ST6GALNAC3: variants seen among roughly 807,000 people sequenced by gnomAD.
ST6GALNAC3 encodes ST6 N-acetylgalactosaminide alpha-2,6-sialyltransferase 3, also known as alpha-N-acetylgalactosaminide alpha-2,6-sialyltransferase 3.
A neutral mutation model predicts 32.7 loss-of-function variants in ST6GALNAC3; 25 were observed. The observed-to-expected ratio is 0.76, with a 90% CI of 0.56 to 1.07. ST6GALNAC3 has a LOEUF of 1.07. Among genes scored for constraint, ST6GALNAC3 ranks in the 50% least tolerant of loss-of-function variants. ST6GALNAC3 has a pLI of 0.00. For synonymous variants in ST6GALNAC3, 129 were observed against 133.1 expected, an observed-to-expected ratio of 0.97 and a Z score of 0.21; for missense variants, 355 against 382.4, an observed-to-expected ratio of 0.93 and a Z score of 0.60.
At chr1:76,299,118 C>A (rs1660580438) in intron 1 of ST6GALNAC3, among the ~76,000 whole-genome samples, 1 of 152,026 alleles carries the variant, frequency 6.6e-6, no homozygotes, top group Non-Finnish European at 1.5e-5. Context: ...AATTACCTAG[C>A]AAATTCAGCA....
At chr1:76,576,671 T>C (rs1646813648) in intron 3 of ST6GALNAC3, among the ~76,000 whole-genome samples, 2 of 152,058 alleles carry the variant, frequency 1.3e-5, no homozygotes, top group South Asian at 4.1e-4. Context: ...TATAATAATT[T>C]TGGAAAGTAC....
In ST6GALNAC3 at chr1:76,630,630, T is replaced by G; in HGVS notation, c.*1824T>G. 5 of 985,622 alleles carry G rather than the reference T, an allele frequency of 5.1e-6. No homozygotes were observed. The highest frequency in any genetic ancestry group is 6.0e-6 in the Non-Finnish European group (5 of 829,812). The allele number at this position is 985,622 out of a possible 1,614,324, so 61.1% of individuals were successfully genotyped here. The stretch of plus-strand genomic sequence containing the variant: ...CTTGTAGGTCTTTACTAGTGCTAAG[T>G]ATTATGGTGAGCTATCATTAAAGTG... On this transcript the variant is annotated 3_prime_UTR_variant, in exon 5 of 5. Coordinates refer to ENST00000328299, the MANE Select transcript of ST6GALNAC3 (RefSeq NM_152996.4).
chr1:76,293,882 T>C (rs1480635062), intron 1 of ST6GALNAC3, among the ~76,000 whole-genome samples: 2 of 151,918 alleles, frequency 1.3e-5, no homozygotes, highest in East Asian at 1.9e-4. Flanking sequence ...GAGGGAGGGG[T>C]ATACACATAT....
chr1:76,108,971 C>A (rs2100796765), intron 1 of ST6GALNAC3, among the ~76,000 whole-genome samples: 1 of 152,068 alleles, frequency 6.6e-6, no homozygotes, highest in South Asian at 2.1e-4. Context: ...TAGTTCACAG[C>A]AGTATGACAG....
intron 3 of ST6GALNAC3, among the ~76,000 whole-genome samples, chr1:76,608,192 A>G (rs1259279631): frequency 6.6e-6 from 1 of 152,236 alleles, no homozygotes; most frequent in Non-Finnish European, 1.5e-5. Context: ...GTGAATGTAA[A>G]CAACAGTCAC....
chr1:76,436,646 T>A (rs1326606194), intron 3 of ST6GALNAC3, among the ~76,000 whole-genome samples: 1 of 152,168 alleles, frequency 6.6e-6, no homozygotes, highest in Non-Finnish European at 1.5e-5. Context: ...TTGTACCAGG[T>A]ACCGTGCCAA....
intron 3 of ST6GALNAC3, 51 bp from the exon 4 acceptor site, chr1:76,627,401 T>A: frequency 8.6e-7 from 1 of 1,161,300 alleles, no homozygotes; most frequent in Non-Finnish European, 1.3e-6. Context: ...GTTCTGTGTG[T>A]GTGTTCTGTG....
At chr1:76,235,876 T>C (rs1656626176) in intron 1 of ST6GALNAC3, among the ~76,000 whole-genome samples, 2 of 151,512 alleles carry the variant, frequency 1.3e-5, no homozygotes. Context: ...TGTTCTCCCC[T>C]GTGTATGCCT....
chr1:76,409,969 C>G (rs1654106784), intron 2 of ST6GALNAC3, among the ~76,000 whole-genome samples: 1 of 152,264 alleles, frequency 6.6e-6, no homozygotes, highest in East Asian at 1.9e-4. Context: ...CGGCTTCTCT[C>G]CATCTCCTTT....
intron 2 of ST6GALNAC3, among the ~76,000 whole-genome samples, chr1:76,364,842 A>G (rs543484238): frequency 2.0e-5 from 3 of 152,294 alleles, no homozygotes; most frequent in African/African-American, 7.2e-5. Flanking sequence ...ATGTTGGAAG[A>G]TGTAGATAAA....
intron 1 of ST6GALNAC3, among the ~76,000 whole-genome samples, chr1:76,164,969 A>G (rs1652031743): frequency 6.6e-6 from 1 of 152,194 alleles, no homozygotes; most frequent in African/African-American, 2.4e-5. Flanking sequence ...TTTTAAGTTC[A>G]GGGGTACATG....
At chr1:76,428,057 A>G (rs536630960) in intron 3 of ST6GALNAC3, among the ~76,000 whole-genome samples, 2 of 152,090 alleles carry the variant, frequency 1.3e-5, no homozygotes, top group Non-Finnish European at 2.9e-5. Context: ...TAGTATTATT[A>G]TTGTTATTAT....
At chr1:76,330,147 G>T (rs541352656) in intron 2 of ST6GALNAC3, among the ~76,000 whole-genome samples, 1 of 151,036 alleles carries the variant, frequency 6.6e-6, no homozygotes, top group African/African-American at 2.4e-5. Context: ...AAACACAGGA[G>T]GGTTAAGTAA....
intron 2 of ST6GALNAC3, among the ~76,000 whole-genome samples, chr1:76,392,584 T>C (rs1652650856): frequency 6.6e-6 from 1 of 152,206 alleles, no homozygotes; most frequent in Admixed American, 6.5e-5. Flanking sequence ...TACAAATAAT[T>C]TGATAGACAG....
At chr1:76,475,459 C>A (rs1659290427) in intron 3 of ST6GALNAC3, among the ~76,000 whole-genome samples, 2 of 152,130 alleles carry the variant, frequency 1.3e-5, no homozygotes, top group African/African-American at 4.8e-5. Context: ...TAAGTGGTAA[C>A]TATAGTCATT....
Position 76,094,763 on chromosome 1 carries a change from A to C in ST6GALNAC3, c.18+19879A>C, listed in dbSNP as rs574135759. 3.6e-4 allele frequency among the ~76,000 whole-genome samples: 55 copies of C among 152,288 alleles called. 1 individual carries two copies. The highest frequency in any genetic ancestry group is 1.3e-3 in the African/African-American group (55 of 41,572). On this transcript the variant is annotated intron_variant, in intron 1 of 4. Transcript: ENST00000328299. ...TTGCCACCACAGAAACTATGAAGAC[A>C]TGTTCTTTAAAAATGACTTCTCCTC...
intron 3 of ST6GALNAC3, among the ~76,000 whole-genome samples, chr1:76,466,901 T>C (rs1029839320): frequency 4.6e-5 from 7 of 152,220 alleles, no homozygotes; most frequent in Non-Finnish European, 1.0e-4. Context: ...GATTTAGCTG[T>C]TAAATGATAT....
chr1:76,315,988 A>T (rs999148864), intron 2 of ST6GALNAC3, among the ~76,000 whole-genome samples: 2 of 152,092 alleles, frequency 1.3e-5, no homozygotes, highest in Non-Finnish European at 2.9e-5. Context: ...GGGAATAAAC[A>T]CATGTAGGGG....
At chr1:76,619,436 A>G (rs868489343) in intron 3 of ST6GALNAC3, among the ~76,000 whole-genome samples, 12 of 152,154 alleles carry the variant, frequency 7.9e-5, no homozygotes, top group African/African-American at 2.4e-4. Flanking sequence ...AACACAGATG[A>G]GCACTACTAG....
Sources: allele counts gnomAD v4.1 joint callset (sites outside exome capture counted in the v4.1 genomes callset), GRCh38; gene constraint gnomAD v4.1.1; transcripts MANE v1.5; gene names NCBI Gene and HGNC (gene_info 2026-07-23, HGNC 2026-07-21).